UPK3A: variants seen among roughly 807,000 people sequenced by gnomAD.
UPK3A encodes the protein uroplakin-3a.
In UPK3A, 32 loss-of-function variants were observed where a neutral mutation model predicts 27.6. The observed-to-expected ratio is 1.16, with a 90% confidence interval of 0.87 to 1.55. UPK3A has a LOEUF of 1.55. Among genes scored for constraint, UPK3A ranks in the 40% most tolerant of loss-of-function variants. The pLI is 0.00. For missense variants in UPK3A, 370 were observed against 367.9 expected, an observed-to-expected ratio of 1.01 and a Z score of -0.05; for synonymous variants, 171 against 163.9, an observed-to-expected ratio of 1.04 and a Z score of -0.33.
chr22:45,288,205 T>A (rs1406453913), intron 3 of UPK3A, among the ~76,000 whole-genome samples: 1 of 151,986 alleles, frequency 6.6e-6, no homozygotes, highest in Non-Finnish European at 1.5e-5. Flanking sequence ...TTCTGCTTTT[T>A]TTTTTTTGAG....
At chr22:45,291,678 T>C (rs1212365023) in intron 4 of UPK3A, among the ~76,000 whole-genome samples, 1 of 148,190 alleles carries the variant, frequency 6.7e-6, no homozygotes, top group Non-Finnish European at 1.5e-5. Flanking sequence ...TGTGAGTTGG[T>C]ATGTGTGGTG....
chr22:45,291,455 A>T, intron 4 of UPK3A, among the ~76,000 whole-genome samples: 1 of 131,800 alleles, frequency 7.6e-6, no homozygotes. Context: ...AGAGTGTGGC[A>T]GGTGTGTGTG....
chr22:45,295,245 A>G (rs1193951378), intron 5 of UPK3A, among the ~76,000 whole-genome samples: 1 of 151,962 alleles, frequency 6.6e-6, no homozygotes, highest in African/African-American at 2.4e-5. Context: ...GCGCTTGTCC[A>G]TGCTGCGTGG....
intron 3 of UPK3A, among the ~76,000 whole-genome samples, 187 bp from the exon 4 acceptor site, chr22:45,288,874 C>T (rs908785088): frequency 1.3e-5 from 2 of 151,578 alleles, no homozygotes; most frequent in Non-Finnish European, 2.9e-5. Context: ...TGGGGGGGGT[C>T]CTATTGGCCA....
chr22:45,295,023 G>A (rs369718158), intron 5 of UPK3A, among the ~76,000 whole-genome samples: 79 of 151,788 alleles, frequency 5.2e-4, no homozygotes, highest in African/African-American at 1.8e-3. Context: ...CCATCACCAT[G>A]CCCAGCTAAT....
At position 45,288,914 on chromosome 22, in the gene UPK3A, C is replaced by T. The variant is rs575527051; in HGVS notation, c.489-147C>T. On this transcript the variant is annotated intron_variant, in intron 3 of 5. Coordinates refer to ENST00000216211, the MANE Select transcript of UPK3A (RefSeq NM_006953.4). Reference sequence around the variant, plus strand: ...CAGCACTGTCCTGTTGCCCAGAGCCCGCTCAGTAGCCGTCTACATTTCCGT... The same window carrying T: ...CAGCACTGTCCTGTTGCCCAGAGCCTGCTCAGTAGCCGTCTACATTTCCGT... 793 of 762,512 alleles carry T rather than the reference C, an allele frequency of 1.0e-3. 15 individuals carry two copies. The South Asian group carries it at 0.01, about 10-fold the overall frequency. 47.2% of individuals were successfully genotyped at this position (762,512 alleles called of 1,614,324 possible). A position where few individuals can be genotyped will look rare whatever the true frequency, so the allele number is the denominator to read the frequency against.
chr22:45,294,230 G>A (rs1397810006), intron 5 of UPK3A, among the ~76,000 whole-genome samples: 1 of 152,192 alleles, frequency 6.6e-6, no homozygotes, highest in East Asian at 1.9e-4. Flanking sequence ...TAAGGGTGGA[G>A]CAGATAGGAA....
In UPK3A at chr22:45,287,222, T is replaced by G. The variant is rs145106685; in HGVS notation, c.259T>G (p.Ser87Ala). 1,844 of 1,614,166 alleles carry G rather than the reference T, an allele frequency of 1.1e-3. 12 individuals are homozygous for G. In the African/African-American group the frequency reaches 0.018, roughly 16 times the overall value. The change falls in exon 3 of 6, where the codon TCA becomes GCA. Residue 87 changes from serine to alanine, a missense_variant. Ser to Ala is a moderately conservative substitution (Grantham distance 99). Coordinates refer to ENST00000216211, the MANE Select transcript of UPK3A (RefSeq NM_006953.4). ...AGACAGCACCAACACCCCACTGGGC[T>G]CAACGTTCCTACAAACAGAGGGTGG... ...VQDSTNTPLG[S>A]TFLQTEGGRT...
chr22:45,289,589 A>AAAAG (rs1555905791), intron 4 of UPK3A, among the ~76,000 whole-genome samples: 8 of 150,770 alleles, frequency 5.3e-5, no homozygotes, highest in African/African-American at 2.0e-4. Flanking sequence ...AAAAAAAAAA[A>AAAAG]AAAAGAAAAA....
At position 45,289,065 on chromosome 22, in the gene UPK3A, A is replaced by G. The variant is rs1468510586; in HGVS notation, c.493A>G (p.Lys165Glu). 1 of 1,613,816 alleles carries G rather than the reference A, an allele frequency of 6.2e-7. No homozygotes were observed. Among genetic ancestry groups the G allele is most frequent in the South Asian group, 1.1e-5 (1 of 91,090 alleles). The change falls in exon 4 of 6, where the codon AAG (lysine) becomes GAG (glutamate). Residue 165 changes from lysine to glutamate, a missense_variant. Lys to Glu is a moderately conservative substitution (Grantham distance 56, BLOSUM62 1). Transcript: ENST00000216211. The part of the protein sequence containing the change: ...PLSAATEYRF[K>E]YVLVNMSTGL... ...CCTGGCTCCGTCTCCTTCCAGGTTC[A>G]AGTATGTCCTGGTCAATATGTCCAC... is the stretch of plus-strand genomic sequence containing the variant.
chr22:45,285,796 G>A, intron 1 of UPK3A, 145 bp from the exon 2 acceptor site: 3 of 1,133,022 alleles, frequency 2.6e-6, no homozygotes, highest in South Asian at 2.7e-5. Flanking sequence ...TGGGCAGGGG[G>A]CAGTGTCTGA....
At chr22:45,286,418 C>A (rs561784930) in intron 2 of UPK3A, among the ~76,000 whole-genome samples, 20 of 152,274 alleles carry the variant, frequency 1.3e-4, no homozygotes, top group African/African-American at 3.1e-4. Context: ...AATAACCCCC[C>A]CTGGACCTCC....
rs1457889778 is a variant in UPK3A at position 45,293,204 on chromosome 22, A to C, written c.595A>C (p.Thr199Pro). 1 of 1,613,930 alleles carries C rather than the reference A, an allele frequency of 6.2e-7. No individual in the cohort carries two copies. The highest frequency in any genetic ancestry group is 1.3e-5 in the African/African-American group (1 of 75,018). ...NQLTPYSTID[T>P]WPGRRSGGMI... ...AGTCACCCCATACTCGACGATCGACACGTGGCCAGGCCGGCGGAGCGGAGG... is the reference window on the plus strand; with the variant it reads ...AGTCACCCCATACTCGACGATCGACCCGTGGCCAGGCCGGCGGAGCGGAGG... Residue 199 changes from threonine (T) to proline (P), a missense_variant, in exon 5 of 6, where the codon ACG (threonine) becomes CCG (proline). Transcript: ENST00000216211.
intron 5 of UPK3A, among the ~76,000 whole-genome samples, 200 bp downstream of exon 5, chr22:45,293,513 T>C (rs369874345): frequency 1.4e-4 from 21 of 152,216 alleles, no homozygotes; most frequent in African/African-American, 5.1e-4. Context: ...CAAAGTCAAG[T>C]TGCTCAGCTG....
Position 45,287,384 on chromosome 22 carries a change from AC to A in UPK3A, c.423del (p.Cys142AlafsTer35). On this transcript the variant is annotated frameshift_variant, in exon 3 of 6. Coordinates refer to ENST00000216211, the MANE Select transcript of UPK3A (RefSeq NM_006953.4). LOFTEE classifies it high-confidence loss of function. Reference sequence around the variant, plus strand: ...CCTGGTCAGGGTGGGTGCCAACGGGACCTGCCTGTGGGATCCCAACTTCCAG... The same window carrying A: ...CCTGGTCAGGGTGGGTGCCAACGGGACTGCCTGTGGGATCCCAACTTCCAG... ...AYLVRVGANG[T>X]CLWDPNFQGL... 2 of 1,609,574 alleles carry A rather than the reference AC, an allele frequency of 1.2e-6. No homozygotes were observed. The highest frequency in any genetic ancestry group is 1.7e-6 in the Non-Finnish European group (2 of 1,178,236).
At chr22:45,289,255 G>A in intron 4 of UPK3A, 112 bp downstream of exon 4, 2 of 1,077,148 alleles carry the variant, frequency 1.9e-6, no homozygotes, top group East Asian at 4.9e-5. Context: ...TCCCAGGCCA[G>A]GCAGTGATGA....
chr22:45,293,696 G>A lies in UPK3A; in HGVS notation c.704+383G>A, dbSNP rs148462903. On this transcript the variant is annotated intron_variant, in intron 5 of 5. Coordinates refer to ENST00000216211, the MANE Select transcript of UPK3A (RefSeq NM_006953.4). ...TTAGTCATCTCACGGAGTTGTGAAG[G>A]TTAAGTGGAATAATCTCTATAGAGT... Among the ~76,000 whole-genome samples, 89 of 152,296 alleles carry A rather than the reference G, an allele frequency of 5.8e-4. 3 individuals are homozygous for A. The East Asian group carries it at 0.015, about 25-fold the overall frequency.
intron 4 of UPK3A, among the ~76,000 whole-genome samples, chr22:45,291,503 T>A (rs924976402): frequency 1.3e-5 from 2 of 149,588 alleles, no homozygotes; most frequent in Non-Finnish European, 3.0e-5. Flanking sequence ...TGTGTGAGTG[T>A]GAGAGTGTGT....
At chr22:45,292,588 G>A (rs2147797453) in intron 4 of UPK3A, among the ~76,000 whole-genome samples, 1 of 152,294 alleles carries the variant, frequency 6.6e-6, no homozygotes, top group South Asian at 2.1e-4. Context: ...GAAGACTTGA[G>A]TCAGTTTATG....
Sources: gnomAD v4.1 joint callset for allele counts (sites outside exome capture counted in the v4.1 genomes callset) on GRCh38, gnomAD v4.1.1 for gene constraint, MANE v1.5 for transcripts, NCBI Gene and HGNC (gene_info 2026-07-23, HGNC 2026-07-21) for gene names.